Variants in RNF169 observed in about 807,000 individuals in gnomAD.
RNF169 encodes ring finger protein 169.
RNF169 carries 24 observed loss-of-function variants against 53.9 expected under a neutral mutation model. The ratio of observed to expected loss-of-function variants is 0.45; its 90% CI spans 0.32 to 0.63. RNF169 has a LOEUF of 0.63. Among genes scored for constraint, RNF169 ranks in the 20% least tolerant of loss-of-function variants. The probability of loss-of-function intolerance (pLI) is 0.04; values close to 1 mark genes in which losing one functional copy is unlikely to be tolerated. For synonymous variants in RNF169, 396 were observed against 363.5 expected, an observed-to-expected ratio of 1.09 and a Z score of -1.02; for missense variants, 883 against 906.2, an observed-to-expected ratio of 0.97 and a Z score of 0.33.
At chr11:74,798,224 T>C (rs553768631) in intron 2 of RNF169, among the ~76,000 whole-genome samples, 2 of 152,292 alleles carry the variant, frequency 1.3e-5, no homozygotes, top group East Asian at 3.9e-4. Flanking sequence ...GTGAGCCGGG[T>C]GGAACAGAGT....
Position 74,841,036 on chromosome 11 carries a change from G to A in RNF169, c.*4306G>A, listed in dbSNP as rs2036456637. On this transcript the variant is annotated 3_prime_UTR_variant, in exon 6 of 6. Transcript: ENST00000299563. ...CTGAATACATGCTCAGGTAGAGAAAGTCTCCATAGTATAAGTAAGTAATAT... is the reference window on the plus strand; with the variant it reads ...CTGAATACATGCTCAGGTAGAGAAAATCTCCATAGTATAAGTAAGTAATAT... The A allele has an allele frequency of 1.3e-5, 2 of 152,056 alleles. No homozygotes were observed. The highest frequency in any genetic ancestry group is 2.1e-4 in the South Asian group (1 of 4,816). The allele number at this position is 152,056 out of a possible 1,614,324, so 9.4% of individuals were successfully genotyped here. A position where few individuals can be genotyped will look rare whatever the true frequency, so the allele number is the denominator to read the frequency against.
At chr11:74,806,522 T>A (rs149165695) in intron 2 of RNF169, among the ~76,000 whole-genome samples, 1 of 152,340 alleles carries the variant, frequency 6.6e-6, no homozygotes, top group East Asian at 1.9e-4. Context: ...GCACTCAATT[T>A]ATAAATAGCC....
At chr11:74,757,121 A>G (rs1201015300) in intron 1 of RNF169, among the ~76,000 whole-genome samples, 1 of 122,040 alleles carries the variant, frequency 8.2e-6, no homozygotes, top group Non-Finnish European at 1.7e-5. Context: ...AGCATTAGGT[A>G]TATCTCCCAA....
chr11:74,811,333 C>T (rs540382898), intron 3 of RNF169, among the ~76,000 whole-genome samples: 31 of 152,216 alleles, frequency 2.0e-4, no homozygotes, highest in African/African-American at 7.2e-4. Context: ...CCTTAGCTTC[C>T]CAGGCTCAAG....
intron 4 of RNF169, among the ~76,000 whole-genome samples, chr11:74,830,318 A>C (rs505468): frequency 6.6e-6 from 1 of 152,158 alleles, no homozygotes; most frequent in African/African-American, 2.4e-5. Flanking sequence ...TCAAATTACC[A>C]AAATTAGGAA....
chr11:74,841,038 C>T lies in RNF169; in HGVS notation c.*4308C>T, dbSNP rs988438323. 2 of 151,898 alleles carry T rather than the reference C, an allele frequency of 1.3e-5. No homozygotes were observed. Among genetic ancestry groups the T allele is most frequent in the South Asian group, 2.1e-4 (1 of 4,816 alleles). 9.4% of individuals were successfully genotyped at this position (151,898 alleles called of 1,614,324 possible). On this transcript the variant is annotated 3_prime_UTR_variant, in exon 6 of 6. Transcript: ENST00000299563. ...GAATACATGCTCAGGTAGAGAAAGTCTCCATAGTATAAGTAAGTAATATGA... is the reference window on the plus strand; with the variant it reads ...GAATACATGCTCAGGTAGAGAAAGTTTCCATAGTATAAGTAAGTAATATGA...
chr11:74,835,756 A>G lies in RNF169; in HGVS notation c.1153A>G (p.Ile385Val). 1 of 1,614,172 alleles carries G rather than the reference A, an allele frequency of 6.2e-7. No individual in the cohort carries two copies. The highest frequency in any genetic ancestry group is 8.5e-7 in the Non-Finnish European group (1 of 1,180,030). ...CGAAGAACTAAACCATTTCAAGCCC[A>G]TTGTCTGCTCACCATGTACTCCTCC... ...ISEELNHFKP[I>V]VCSPCTPPKR... The change falls in exon 6 of 6, where the codon ATT becomes GTT. Residue 385 changes from isoleucine (I) to valine (V), a missense_variant. Ile to Val is a conservative substitution (Grantham distance 29). Transcript: ENST00000299563.
intron 2 of RNF169, among the ~76,000 whole-genome samples, chr11:74,796,497 T>C (rs935682450): frequency 1.3e-5 from 2 of 152,236 alleles, no homozygotes; most frequent in African/African-American, 4.8e-5. Flanking sequence ...AAAAATGTTA[T>C]TTATTGGTTG....
Position 74,749,227 on chromosome 11 carries a change from G to A in RNF169, c.347G>A (p.Arg116His), listed in dbSNP as rs1482389128. The A allele has an allele frequency of 9.3e-7, 1 of 1,079,284 alleles. No individual in the cohort carries two copies. Among genetic ancestry groups the A allele is most frequent in the African/African-American group, 1.7e-5 (1 of 59,200 alleles). The allele number at this position is 1,079,284 out of a possible 1,614,324, so 66.9% of individuals were successfully genotyped here. A position where few individuals can be genotyped will look rare whatever the true frequency, so the allele number is the denominator to read the frequency against. Residue 116 changes from arginine to histidine, a missense_variant, in exon 1 of 6, where the codon CGT becomes CAT. Physicochemically the swap from Arg to His is conservative, Grantham distance 29 (BLOSUM62 0). Transcript: ENST00000299563. ...GCCCGCGGCCCAGGCTGGGCCCGCC[G>A]TCGGGCCCGCGACGACGGCCAGGCC... is the stretch of plus-strand genomic sequence containing the variant. Reference protein sequence around the residue: ...CRARGPGWARRRARDDGQADS... With the variant: ...CRARGPGWARHRARDDGQADS...
chr11:74,794,007 T>C (rs1225613971), intron 2 of RNF169, among the ~76,000 whole-genome samples: 2 of 152,176 alleles, frequency 1.3e-5, no homozygotes, highest in African/African-American at 4.8e-5. Context: ...TATTCATTGG[T>C]TAATGAAATA....
rs188042004 is a variant in RNF169, at chr11:74,791,645, C to T, written c.576+1946C>T. Among the ~76,000 whole-genome samples, 639 of 152,324 alleles carry T rather than the reference C, an allele frequency of 4.2e-3. 4 individuals are homozygous for T. The highest frequency in any genetic ancestry group is 8.5e-3 in the Admixed American group (130 of 15,308). On this transcript the variant is annotated intron_variant, in intron 2 of 5. Coordinates refer to ENST00000299563, the MANE Select transcript of RNF169 (RefSeq NM_001098638.2). Reference sequence around the variant, plus strand: ...CAGTGCCTCCCTTGGTCACAACTTTCCTTTGAAATCGGCATGGGTGCTGGG... The same window carrying T: ...CAGTGCCTCCCTTGGTCACAACTTTTCTTTGAAATCGGCATGGGTGCTGGG...
rs73490666 is a variant in RNF169, at chr11:74,756,647, G to A, written c.502+7265G>A. On this transcript the variant is annotated intron_variant, in intron 1 of 5. Coordinates refer to ENST00000299563, the MANE Select transcript of RNF169 (RefSeq NM_001098638.2). ...AGGTGGATGAGGTCAGAATAAAGATGAGAGAGGGAAATAGTACATTTAAAG... is the reference window on the plus strand; with the variant it reads ...AGGTGGATGAGGTCAGAATAAAGATAAGAGAGGGAAATAGTACATTTAAAG... Among the ~76,000 whole-genome samples, 394 of 152,284 alleles carry A rather than the reference G, an allele frequency of 2.6e-3. 1 individual carries two copies. Among genetic ancestry groups the A allele is most frequent in the African/African-American group, 9.1e-3 (379 of 41,552 alleles).
At chr11:74,814,380 C>T (rs1428987043) in intron 3 of RNF169, among the ~76,000 whole-genome samples, 20 of 96,176 alleles carry the variant, frequency 2.1e-4, no homozygotes, top group East Asian at 3.3e-4. Flanking sequence ...TCTTTCTTGC[C>T]TTTTTTTTTT....
rs535209068 is a variant in RNF169 at position 74,828,910 on chromosome 11, T to C, written c.843-5766T>C. Among the ~76,000 whole-genome samples the C allele has an allele frequency of 3.9e-5, 6 of 152,250 alleles. No homozygotes were observed. In the East Asian group the frequency reaches 1.2e-3, roughly 29 times the overall value. On this transcript the variant is annotated intron_variant, in intron 4 of 5. Coordinates refer to ENST00000299563, the MANE Select transcript of RNF169 (RefSeq NM_001098638.2). ...AAACCCTAGAAGAAAATCTAGGCAA[T>C]ACCATTCAGGACCATAGGCATGGGC...
At position 74,756,462 on chromosome 11, in the gene RNF169, C is replaced by A. The variant is rs528270735; in HGVS notation, c.502+7080C>A. ...ATGGGAATAGTAATAGTATTAAAAT[C>A]ATAAGGTTGTTGTTAAAGACTAAAT... On this transcript the variant is annotated intron_variant, in intron 1 of 5. Transcript: ENST00000299563. 2.7e-3 allele frequency among the ~76,000 whole-genome samples: 415 copies of A among 152,226 alleles called. 1 individual carries two copies. Among genetic ancestry groups the A allele is most frequent in the African/African-American group, 9.5e-3 (395 of 41,520 alleles).
chr11:74,801,012 TATTAC>T (rs2035721691), intron 2 of RNF169, among the ~76,000 whole-genome samples: 1 of 152,252 alleles, frequency 6.6e-6, no homozygotes, highest in African/African-American at 2.4e-5. Flanking sequence ...TTAAATATCT[TATTAC>T]ATAAGAAGAA....
chr11:74,767,183 C>T (rs554285134), intron 1 of RNF169, among the ~76,000 whole-genome samples: 2 of 151,968 alleles, frequency 1.3e-5, no homozygotes, highest in African/African-American at 2.4e-5. Context: ...CAGACTGAAT[C>T]GAGTAGTATA....
rs188475656 is a variant in RNF169, at chr11:74,803,176, C to G, written c.577-7008C>G. Among the ~76,000 whole-genome samples the G allele has an allele frequency of 5.6e-3, 854 of 151,584 alleles. 11 individuals are homozygous for G. Among genetic ancestry groups the G allele is most frequent in the African/African-American group, 0.02 (805 of 41,056 alleles). On this transcript the variant is annotated intron_variant, in intron 2 of 5. Coordinates refer to ENST00000299563, the MANE Select transcript of RNF169 (RefSeq NM_001098638.2). ...AGTCTGCTCACTGCAAGCTCCGCCT[C>G]CTGGGTTCATGCTATTCTCCTGCCT... is the stretch of plus-strand genomic sequence containing the variant.
chr11:74,776,234 T>C (rs1482163248), intron 1 of RNF169, among the ~76,000 whole-genome samples: 1 of 152,178 alleles, frequency 6.6e-6, no homozygotes, highest in African/African-American at 2.4e-5. Context: ...CAACTGATGT[T>C]CAATTTTGGT....
Sources: allele counts gnomAD v4.1 joint callset (sites outside exome capture counted in the v4.1 genomes callset), GRCh38; gene constraint gnomAD v4.1.1; transcripts MANE v1.5; gene names NCBI Gene and HGNC (gene_info 2026-07-23, HGNC 2026-07-21).